Variants in SLIT3 observed in about 807,000 individuals in gnomAD.
SLIT3 encodes the protein slit homolog 3 protein.
SLIT3 carries 68 observed loss-of-function variants against 184.0 expected under a neutral mutation model. The ratio of observed to expected loss-of-function variants is 0.37; its 90% CI spans 0.30 to 0.45. The LOEUF is 0.45. Among genes scored for constraint, SLIT3 ranks in the 20% least tolerant of loss-of-function variants. The pLI, the probability that SLIT3 is intolerant of heterozygous loss-of-function variation, is 1.00. For synonymous variants in SLIT3, 831 were observed against 828.6 expected (o/e 1.00, Z -0.05); for missense variants, 1,707 against 2,026.0 (o/e 0.84, Z 3.02).
intron 3 of SLIT3, among the ~76,000 whole-genome samples, chr5:169,206,039 G>A (rs1371924250): frequency 1.3e-5 from 2 of 152,196 alleles, no homozygotes; most frequent in African/African-American, 2.4e-5. Flanking sequence ...AGAAGAGTGA[G>A]GGGTGCAATT....
intron 4 of SLIT3, among the ~76,000 whole-genome samples, chr5:169,023,092 T>A (rs907282940): frequency 1.3e-5 from 2 of 152,202 alleles, no homozygotes; most frequent in African/African-American, 4.8e-5. Flanking sequence ...AAGCATGCTA[T>A]CTTTCTTAAT....
At chr5:168,863,998 C>A (rs1759206383) in intron 5 of SLIT3, among the ~76,000 whole-genome samples, 1 of 151,038 alleles carries the variant, frequency 6.6e-6, no homozygotes, top group African/African-American at 2.4e-5. Context: ...GAGTTTGAGA[C>A]CAGCCTAGGC....
intron 1 of SLIT3, among the ~76,000 whole-genome samples, chr5:169,275,769 C>T (rs1766781481): frequency 6.6e-6 from 1 of 152,154 alleles, no homozygotes; most frequent in Non-Finnish European, 1.5e-5. Flanking sequence ...TGGGTCCCTT[C>T]CACAACAGGT....
At chr5:168,929,244 G>C (rs1406024445) in intron 4 of SLIT3, among the ~76,000 whole-genome samples, 2 of 152,130 alleles carry the variant, frequency 1.3e-5, no homozygotes, top group Non-Finnish European at 2.9e-5. Flanking sequence ...GTGTGGAAAT[G>C]CTATTATTAA....
At chr5:168,722,149 G>A (rs1177329317) in intron 23 of SLIT3, 107 bp downstream of exon 23, 1 of 935,644 alleles carries the variant, frequency 1.1e-6, no homozygotes, top group African/African-American at 1.6e-5. Flanking sequence ...GGTGTGTTTG[G>A]GGGTGGAGTG....
intron 4 of SLIT3, among the ~76,000 whole-genome samples, chr5:168,905,908 T>C (rs1761036215): frequency 6.6e-6 from 1 of 152,160 alleles, no homozygotes; most frequent in Non-Finnish European, 1.5e-5. Flanking sequence ...TGATTTAATA[T>C]TACCAATCAT....
At chr5:169,116,452 T>C (rs903429557) in intron 4 of SLIT3, among the ~76,000 whole-genome samples, 5 of 152,200 alleles carry the variant, frequency 3.3e-5, no homozygotes, top group Admixed American at 2.0e-4. Context: ...AGTACCAAGA[T>C]ATCTCTCCAG....
chr5:169,133,518 C>A (rs1373940674), intron 4 of SLIT3, among the ~76,000 whole-genome samples: 1 of 152,292 alleles, frequency 6.6e-6, no homozygotes, highest in Non-Finnish European at 1.5e-5. Flanking sequence ...GACATGCTGA[C>A]GTATCAAAGG....
At chr5:169,283,645 G>C (rs1267451817) in intron 1 of SLIT3, among the ~76,000 whole-genome samples, 1 of 152,184 alleles carries the variant, frequency 6.6e-6, no homozygotes, top group Non-Finnish European at 1.5e-5. Context: ...CAATGGAGGG[G>C]ACTGAGGGAC....
intron 4 of SLIT3, among the ~76,000 whole-genome samples, chr5:169,005,129 G>C (rs182688674): frequency 1.6e-3 from 251 of 152,288 alleles, no homozygotes; most frequent in Middle Eastern, 3.4e-3. Flanking sequence ...TATGCAGATT[G>C]TTTTTAAAAC....
chr5:169,076,451 T>C (rs569228065), intron 4 of SLIT3, among the ~76,000 whole-genome samples: 2 of 152,334 alleles, frequency 1.3e-5, no homozygotes, highest in South Asian at 4.1e-4. Context: ...CTGCCTCCTT[T>C]CTTCCACTAT....
At chr5:169,125,779 T>A (rs113138033) in intron 4 of SLIT3, among the ~76,000 whole-genome samples, 12 of 152,198 alleles carry the variant, frequency 7.9e-5, no homozygotes, top group Non-Finnish European at 2.9e-5. Flanking sequence ...ATTATCTAAT[T>A]CCTGCCAACG....
chr5:169,142,744 AC>A (rs2113348259), intron 4 of SLIT3, among the ~76,000 whole-genome samples: 2 of 151,960 alleles, frequency 1.3e-5, no homozygotes, highest in Admixed American at 6.6e-5. Flanking sequence ...ACCTGCTCCT[AC>A]CCCCACACCT....
rs546370731 is a variant in SLIT3, at chr5:168,770,696, A to G, written c.1459+2085T>C. ...AAAGGTATCTTAGAGTCAATCCAAG[A>G]ACCTGGCTCCTTCTCCCTGTTTCTT... On this transcript the variant is annotated intron_variant, in intron 14 of 35. Transcript: ENST00000519560. Among the ~76,000 whole-genome samples the G allele has an allele frequency of 2.0e-5, 3 of 152,128 alleles. 1 individual carries two copies. The highest frequency in any genetic ancestry group is 4.2e-4 in the South Asian group (2 of 4,810).
At chr5:169,123,557 A>G (rs961645738) in intron 4 of SLIT3, among the ~76,000 whole-genome samples, 4 of 152,354 alleles carry the variant, frequency 2.6e-5, no homozygotes, top group African/African-American at 9.6e-5. Flanking sequence ...TGCAAAAATA[A>G]AGTTGAACGA....
intron 4 of SLIT3, among the ~76,000 whole-genome samples, chr5:169,084,040 C>T (rs1225700465): frequency 1.3e-5 from 2 of 152,148 alleles, no homozygotes; most frequent in African/African-American, 2.4e-5. Context: ...TTGTTCTTTT[C>T]CAAAAGTGTG....
At chr5:169,238,543 C>CTTTTTTT (rs71698425) in intron 3 of SLIT3, among the ~76,000 whole-genome samples, 1 of 117,140 alleles carries the variant, frequency 8.5e-6, no homozygotes, top group African/African-American at 3.3e-5. Context: ...AGTGAAATAG[C>CTTTTTTT]TTTTTTTTTT....
intron 1 of SLIT3, among the ~76,000 whole-genome samples, chr5:169,296,675 G>A (rs1172375350): frequency 6.6e-6 from 1 of 152,230 alleles, no homozygotes; most frequent in East Asian, 1.9e-4. Flanking sequence ...ATGACATGGT[G>A]TCAGTTTTTA....
chr5:169,301,123 C>G lies in SLIT3; in HGVS notation c.-414G>C, dbSNP rs536911767. Reference sequence around the variant, plus strand: ...GCGGCCGGGTGAGCTGGCCGGCGCTCGCTCTCTCCATTCAGTGAGCACGGC... The same window carrying G: ...GCGGCCGGGTGAGCTGGCCGGCGCTGGCTCTCTCCATTCAGTGAGCACGGC... On this transcript the variant is annotated 5_prime_UTR_variant, in exon 1 of 36. Coordinates refer to ENST00000519560, the MANE Select transcript of SLIT3 (RefSeq NM_003062.4). The G allele has an allele frequency of 6.5e-6, 1 of 152,868 alleles. No homozygotes were observed. Among genetic ancestry groups the G allele is most frequent in the Non-Finnish European group, 1.5e-5 (1 of 68,332 alleles). The allele number at this position is 152,868 out of a possible 1,614,324, so 9.5% of individuals were successfully genotyped here. A position where few individuals can be genotyped will look rare whatever the true frequency, so the allele number is the denominator to read the frequency against.
Sources: allele counts gnomAD v4.1 joint callset (sites outside exome capture counted in the v4.1 genomes callset), GRCh38; gene constraint gnomAD v4.1.1; transcripts MANE v1.5; gene names NCBI Gene and HGNC (gene_info 2026-07-23, HGNC 2026-07-21).